STRAP: variants seen among roughly 807,000 people sequenced by gnomAD.
STRAP encodes the protein serine/threonine kinase receptor associated protein.
Under a neutral mutation model 47.0 loss-of-function variants are expected in STRAP, and 16 were observed. That is an observed-to-expected ratio of 0.34 (90% confidence interval 0.23 to 0.52). The LOEUF is 0.52. STRAP is among the 20% of genes least tolerant of loss of function. The probability of loss-of-function intolerance (pLI) is 0.96; values close to 1 mark genes in which losing one functional copy is unlikely to be tolerated. For synonymous variants in STRAP, 130 were observed against 142.7 expected, an observed-to-expected ratio of 0.91 and a Z score of 0.63; for missense variants, 293 against 420.0, an observed-to-expected ratio of 0.70 and a Z score of 2.64.
At position 15,882,718 on chromosome 12, in the gene STRAP, G is replaced by A. The variant is rs1229176360; in HGVS notation, c.11G>A (p.Arg4Lys). ...GGCTTCGCCGCCGCCATGGCAATGA[G>A]ACAGACGCCGCTCACCTGCTCTGGC... MAM[R>K]QTPLTCSGHT... Residue 4 changes from arginine (R) to lysine (K), a missense_variant, in exon 1 of 10, where the codon AGA (arginine) becomes AAA (lysine). This residue lies in a region of STRAP where 31 missense variants were observed against 39.2 expected (regional missense o/e 0.79). Transcript: ENST00000419869. The A allele has an allele frequency of 1.2e-6, 2 of 1,611,112 alleles. No individual in the cohort carries two copies. Among genetic ancestry groups the A allele is most frequent in the South Asian group, 1.1e-5 (1 of 90,720 alleles).
At chr12:15,891,634 C>T (rs567414563) in intron 4 of STRAP, among the ~76,000 whole-genome samples, 1 of 152,082 alleles carries the variant, frequency 6.6e-6, no homozygotes. Context: ...ATTGGTGGGA[C>T]AAAGAGGAGT....
In STRAP at chr12:15,900,936, T is replaced by C. The variant is rs931850198; in HGVS notation, c.926-11T>C. ...TAAGTCATATAATCGTCATTGCTTTTCTTTTTACAGAAGAAGATAGTGGTG... is the reference window on the plus strand; with the variant it reads ...TAAGTCATATAATCGTCATTGCTTTCCTTTTTACAGAAGAAGATAGTGGTG... On this transcript the variant is annotated splice_polypyrimidine_tract_variant and intron_variant, in intron 8 of 9. Coordinates refer to ENST00000419869, the MANE Select transcript of STRAP (RefSeq NM_007178.4). 1 of 1,577,634 alleles carries C rather than the reference T, an allele frequency of 6.3e-7. No individual in the cohort carries two copies. Among genetic ancestry groups the C allele is most frequent in the Non-Finnish European group, 8.6e-7 (1 of 1,164,490 alleles).
intron 2 of STRAP, among the ~76,000 whole-genome samples, chr12:15,885,305 C>T (rs922574606): frequency 2.0e-5 from 3 of 151,058 alleles, no homozygotes; most frequent in Non-Finnish European, 4.4e-5. Flanking sequence ...TCTCCCACCT[C>T]AGCTTCCTGA....
At chr12:15,899,084 T>C (rs1948083164) in intron 7 of STRAP, among the ~76,000 whole-genome samples, 1 of 152,250 alleles carries the variant, frequency 6.6e-6, no homozygotes, top group South Asian at 2.1e-4. Flanking sequence ...TATTTTATTC[T>C]TTTTCAAGAT....
chr12:15,900,842 G>T, intron 8 of STRAP, 105 bp from the exon 9 acceptor site: 8 of 742,766 alleles, frequency 1.1e-5, no homozygotes, highest in Non-Finnish European at 9.5e-6. Flanking sequence ...ATATTTTGTA[G>T]CCATTTTCCT....
In STRAP at chr12:15,902,955, T is replaced by G; in HGVS notation, c.1030T>G (p.Ser344Ala). The change falls in exon 10 of 10, where the codon TCA becomes GCA. Residue 344 changes from serine to alanine, a missense_variant. Physicochemically the swap from Ser to Ala is moderately conservative, Grantham distance 99. Around this residue, in one of 5 missense-constraint regions of STRAP, gnomAD observed 52 missense variants for 45.0 expected, o/e 1.16. Transcript: ENST00000419869. ...AGAGAATTCAGATTGCATCTTTCCT[T>G]CAGCTCCTGATGTTAAGGCCTGAGC... ...ASENSDCIFP[S>A]APDVKA 1 of 1,528,568 alleles carries G rather than the reference T, an allele frequency of 6.5e-7. No homozygotes were observed. Among genetic ancestry groups the G allele is most frequent in the Non-Finnish European group, 8.7e-7 (1 of 1,148,104 alleles). The allele number at this position is 1,528,568 out of a possible 1,614,324, so 94.7% of individuals were successfully genotyped here.
At chr12:15,900,097 A>T (rs753008816) in intron 8 of STRAP, 44 bp downstream of exon 8, 135 of 1,528,944 alleles carry the variant, frequency 8.8e-5, no homozygotes, top group Non-Finnish European at 1.2e-4. Flanking sequence ...AAAATGCATG[A>T]TTTTATGTCA....
At chr12:15,892,184 C>G (rs1294625899) in intron 4 of STRAP, among the ~76,000 whole-genome samples, 1 of 152,068 alleles carries the variant, frequency 6.6e-6, no homozygotes, top group African/African-American at 2.4e-5. Context: ...AATTGCCTGT[C>G]TACCTTTTGT....
chr12:15,885,488 C>CTTTT lies in STRAP; in HGVS notation c.248+1827_248+1830dup, dbSNP rs5796649. Among the ~76,000 whole-genome samples the CTTTT allele has an allele frequency of 2.9e-4, 38 of 132,458 alleles. 6 individuals are homozygous for CTTTT. Among genetic ancestry groups the CTTTT allele is most frequent in the African/African-American group, 1.1e-3 (36 of 33,936 alleles). The allele number at this position is 132,458 out of a possible 152,430, so 86.9% of individuals were successfully genotyped here. A position where few individuals can be genotyped will look rare whatever the true frequency, so the allele number is the denominator to read the frequency against. ...ACAGGTGTGAGCCACCGTGCCTGGC[C>CTTTT]TTTTTTTTTTTTTTTTTTAACAACC... is the stretch of plus-strand genomic sequence containing the variant. On this transcript the variant is annotated intron_variant, in intron 2 of 9. Transcript: ENST00000419869.
At position 15,894,958 on chromosome 12, in the gene STRAP, GAAATTCTATAC is replaced by G. The variant is rs1203348661; in HGVS notation, c.501-397_501-387del. 6.6e-6 allele frequency among the ~76,000 whole-genome samples: 1 copy of G among 152,186 alleles called. No homozygotes were observed. The highest frequency in any genetic ancestry group is 1.5e-5 in the Non-Finnish European group (1 of 68,030). On this transcript the variant is annotated intron_variant, in intron 5 of 9. Transcript: ENST00000419869. This position sits in a 1 kb window ranked among gnomAD's most constrained non-coding sequence, Gnocchi z 4.9. Reference sequence around the variant, plus strand: ...TAAAGGGAGGGACCATGAAGCCTCTGAAATTCTATACAAAATCTTGTGTGCTGACACCTGAT... The same window carrying G: ...TAAAGGGAGGGACCATGAAGCCTCTGAAAATCTTGTGTGCTGACACCTGAT...
chr12:15,884,938 G>A lies in STRAP; in HGVS notation c.248+1262G>A, dbSNP rs1947956341. 2.0e-5 allele frequency among the ~76,000 whole-genome samples: 3 copies of A among 152,102 alleles called. No homozygotes were observed. In the South Asian group the frequency reaches 6.2e-4, roughly 32 times the overall value. ...AATTATACTAATCTTATTGTTGCCAGAATATACCTTACCTGTTCTGACTTT... is the reference window on the plus strand; with the variant it reads ...AATTATACTAATCTTATTGTTGCCAAAATATACCTTACCTGTTCTGACTTT... On this transcript the variant is annotated intron_variant, in intron 2 of 9. Transcript: ENST00000419869.
At chr12:15,883,010 G>A (rs1947936539) in intron 1 of STRAP, 191 bp downstream of exon 1, 1 of 1,502,360 alleles carries the variant, frequency 6.7e-7, no homozygotes, top group Non-Finnish European at 9.0e-7. Context: ...GAGCCGAGAG[G>A]ACGCTTTTGT....
chr12:15,885,021 A>G (rs1362615874), intron 2 of STRAP, among the ~76,000 whole-genome samples: 1 of 152,088 alleles, frequency 6.6e-6, no homozygotes, highest in Non-Finnish European at 1.5e-5. Context: ...CTTTTTGGGA[A>G]TGTATCATAT....
chr12:15,889,069 G>T (rs969916989), intron 2 of STRAP, among the ~76,000 whole-genome samples: 3 of 151,986 alleles, frequency 2.0e-5, no homozygotes, highest in Non-Finnish European at 2.9e-5. Context: ...TGTCTGCAAA[G>T]TTTTCTTGTT....
intron 7 of STRAP, 76 bp downstream of exon 7, chr12:15,898,094 A>G: frequency 1.6e-6 from 2 of 1,284,604 alleles, no homozygotes; most frequent in Non-Finnish European, 2.1e-6. Flanking sequence ...TCATTTATAT[A>G]TATATATATG....
chr12:15,885,732 A>G (rs900280887), intron 2 of STRAP, among the ~76,000 whole-genome samples: 4 of 152,128 alleles, frequency 2.6e-5, no homozygotes, highest in Non-Finnish European at 5.9e-5. Context: ...TGAAGGCTGG[A>G]GCCAGATGAC....
chr12:15,903,170 A>G lies in STRAP; in HGVS notation c.*192A>G. 2.0e-6 allele frequency: 1 copy of G among 491,506 alleles called. No homozygotes were observed. The highest frequency in any genetic ancestry group is 3.4e-6 in the Non-Finnish European group (1 of 296,142). 30.4% of individuals were successfully genotyped at this position (491,506 alleles called of 1,614,324 possible). A position where few individuals can be genotyped will look rare whatever the true frequency, so the allele number is the denominator to read the frequency against. Reference sequence around the variant, plus strand: ...TAAGTGAAAACTCAAGTGTCAGATGAAGGGAGGTGGAGTTATCCTCTTATA... The same window carrying G: ...TAAGTGAAAACTCAAGTGTCAGATGGAGGGAGGTGGAGTTATCCTCTTATA... On this transcript the variant is annotated 3_prime_UTR_variant, in exon 10 of 10. Transcript: ENST00000419869.
chr12:15,890,143 T>G lies in STRAP; in HGVS notation c.330+134T>G. ...ATATTTGTTATTTCTTGGTTCATATTTGATTTGATTGTGTATTAAGCTCTA... is the reference window on the plus strand; with the variant it reads ...ATATTTGTTATTTCTTGGTTCATATGTGATTTGATTGTGTATTAAGCTCTA... On this transcript the variant is annotated intron_variant, in intron 3 of 9. Coordinates refer to ENST00000419869, the MANE Select transcript of STRAP (RefSeq NM_007178.4). The surrounding 1 kb of genome is among the most constrained non-coding windows in gnomAD (Gnocchi z 4.5). 6.0e-6 allele frequency: 5 copies of G among 838,688 alleles called. No homozygotes were observed. The highest frequency in any genetic ancestry group is 9.5e-6 in the Non-Finnish European group (5 of 525,690). 52.0% of individuals were successfully genotyped at this position (838,688 alleles called of 1,614,324 possible). A position where few individuals can be genotyped will look rare whatever the true frequency, so the allele number is the denominator to read the frequency against.
intron 5 of STRAP, 132 bp from the exon 6 acceptor site, chr12:15,895,227 T>A: frequency 1.4e-6 from 1 of 717,960 alleles, no homozygotes. Context: ...ATCTGTAATT[T>A]GTGACTTGGA....
Sources: gnomAD v4.1 joint callset for allele counts (sites outside exome capture counted in the v4.1 genomes callset) on GRCh38, gnomAD v4.1.1 for gene constraint, gnomAD v4.1.1 regional missense constraint, Gnocchi (gnomAD v3.1) non-coding constraint, MANE v1.5 for transcripts, NCBI Gene and HGNC (gene_info 2026-07-23, HGNC 2026-07-21) for gene names.